NSD1: variants seen among roughly 807,000 people sequenced by gnomAD.
NSD1 encodes histone-lysine N-methyltransferase, H3 lysine-36 specific.
A neutral mutation model predicts 242.7 loss-of-function variants in NSD1; 26 were observed. The observed-to-expected ratio is 0.11, with a 90% CI of 0.08 to 0.15. The LOEUF (loss-of-function observed/expected upper bound fraction) is 0.15, where lower values mean the gene tolerates loss of function less well. Among genes scored for constraint, NSD1 ranks in the 10% least tolerant of loss-of-function variants. The pLI is 1.00. For synonymous variants in NSD1, 1,106 were observed against 1,178.1 expected (o/e 0.94, Z 1.25); for missense variants, 2,495 against 3,272.8 (o/e 0.76, Z 5.80).
At chr5:177,202,740 G>A (rs2149834685) in intron 3 of NSD1, among the ~76,000 whole-genome samples, 1 of 152,204 alleles carries the variant, frequency 6.6e-6, no homozygotes, top group East Asian at 1.9e-4. Flanking sequence ...AAGAACCTCT[G>A]TATAGGTACA....
chr5:177,266,411 C>G, intron 14 of NSD1: 1 of 634,244 alleles, frequency 1.6e-6, no homozygotes, highest in Non-Finnish European at 3.0e-6. Flanking sequence ...GAGCCCACAT[C>G]CAGCACCACC....
intron 5 of NSD1, among the ~76,000 whole-genome samples, chr5:177,223,466 G>T (rs781145809): frequency 1.3e-5 from 2 of 151,450 alleles, no homozygotes; most frequent in Non-Finnish European, 2.9e-5. Context: ...CCAGCTACTT[G>T]GGAGGCTGAG....
chr5:177,136,841 A>G, intron 2 of NSD1: 1 of 645,188 alleles, frequency 1.5e-6, no homozygotes, highest in Non-Finnish European at 2.8e-6. Context: ...AACCCTAACT[A>G]AGACAAAGTT....
At chr5:177,141,558 A>G (rs10041668) in intron 2 of NSD1, among the ~76,000 whole-genome samples, 81,697 of 151,310 alleles carry the variant, frequency 0.54, 23,522 homozygotes, top group African/African-American at 0.75. Context: ...TCGAACCCCT[A>G]ACCTCAAGTG....
chr5:177,247,744 C>T (rs1766416406), intron 10 of NSD1, among the ~76,000 whole-genome samples: 1 of 152,144 alleles, frequency 6.6e-6, no homozygotes, highest in Non-Finnish European at 1.5e-5. Context: ...ATATTATCTT[C>T]GGGTTTCCAA....
intron 2 of NSD1, among the ~76,000 whole-genome samples, chr5:177,144,302 G>A (rs1451757513): frequency 6.6e-6 from 1 of 151,686 alleles, no homozygotes; most frequent in Non-Finnish European, 1.5e-5. Flanking sequence ...GCTCCTGGCT[G>A]GGCCCAAGTG....
At chr5:177,147,546 A>C (rs1174720965) in intron 2 of NSD1, among the ~76,000 whole-genome samples, 1 of 151,552 alleles carries the variant, frequency 6.6e-6, no homozygotes, top group Non-Finnish European at 1.5e-5. Context: ...CATAATTTCC[A>C]GGGGATTCAT....
intron 5 of NSD1, among the ~76,000 whole-genome samples, chr5:177,218,124 G>T (rs1763933055): frequency 1.3e-5 from 2 of 152,086 alleles, no homozygotes; most frequent in South Asian, 4.1e-4. Flanking sequence ...TGTTGCCTAG[G>T]TGGGTCTAAA....
intron 2 of NSD1, among the ~76,000 whole-genome samples, chr5:177,160,699 G>A (rs1440713499): frequency 4.6e-5 from 7 of 152,092 alleles, no homozygotes; most frequent in Non-Finnish European, 7.4e-5. Context: ...AACTGGGACA[G>A]CCCTTTTATT....
intron 5 of NSD1, among the ~76,000 whole-genome samples, chr5:177,212,734 A>G (rs756113283): frequency 4.6e-5 from 7 of 152,028 alleles, no homozygotes; most frequent in South Asian, 2.1e-4. Flanking sequence ...TTGTTAGGTT[A>G]TAGAAAGCAA....
At chr5:177,199,831 G>A (rs563113231) in intron 3 of NSD1, among the ~76,000 whole-genome samples, 186 of 152,010 alleles carry the variant, frequency 1.2e-3, no homozygotes, top group African/African-American at 4.3e-3. Context: ...TCCTGACCTC[G>A]TGATCTGCCA....
intron 3 of NSD1, among the ~76,000 whole-genome samples, chr5:177,198,645 G>C (rs546888054): frequency 6.6e-6 from 1 of 152,168 alleles, no homozygotes; most frequent in South Asian, 2.1e-4. Flanking sequence ...GGGGGTCAAG[G>C]CTTCAGAATA....
chr5:177,290,133 A>G (rs1759702150), intron 21 of NSD1, among the ~76,000 whole-genome samples: 1 of 147,970 alleles, frequency 6.8e-6, no homozygotes, highest in South Asian at 2.2e-4. Context: ...CGGCCCTTAT[A>G]TTATTATTTT....
intron 20 of NSD1, among the ~76,000 whole-genome samples, chr5:177,286,760 A>C (rs780994656): frequency 6.6e-6 from 1 of 152,164 alleles, no homozygotes; most frequent in African/African-American, 2.4e-5. Flanking sequence ...CCATTCTTCT[A>C]CTTAGAACCT....
chr5:177,149,659 C>A (rs1386150817), intron 2 of NSD1, among the ~76,000 whole-genome samples: 1 of 152,114 alleles, frequency 6.6e-6, no homozygotes, highest in African/African-American at 2.4e-5. Context: ...GATTATCACG[C>A]ATTAGTTAGA....
chr5:177,260,241 AC>A, intron 14 of NSD1, 73 bp downstream of exon 14: 1 of 1,405,570 alleles, frequency 7.1e-7, no homozygotes, highest in Non-Finnish European at 9.9e-7. Context: ...GAACAAAAAT[AC>A]TTTTCATCAT....
chr5:177,277,897 T>A (rs1212655042), intron 17 of NSD1, among the ~76,000 whole-genome samples: 2 of 152,174 alleles, frequency 1.3e-5, no homozygotes, highest in African/African-American at 4.8e-5. Flanking sequence ...CATGAACCTT[T>A]ATGTGTATTT....
chr5:177,212,254 G>A (rs2149850042), intron 5 of NSD1, 59 bp downstream of exon 5: 2 of 1,545,032 alleles, frequency 1.3e-6, no homozygotes, highest in Non-Finnish European at 1.8e-6. Flanking sequence ...GATAAACATT[G>A]TCCTTCTGAA....
At chr5:177,236,866 A>G (rs1293760940) in intron 6 of NSD1, among the ~76,000 whole-genome samples, 2 of 152,206 alleles carry the variant, frequency 1.3e-5, no homozygotes, top group Non-Finnish European at 2.9e-5. Flanking sequence ...AAATTGAGAC[A>G]GTGTCTTGCC....
Sources: allele counts gnomAD v4.1 joint callset (sites outside exome capture counted in the v4.1 genomes callset), GRCh38; gene constraint gnomAD v4.1.1; transcripts MANE v1.5; gene names NCBI Gene and HGNC (gene_info 2026-07-23, HGNC 2026-07-21).